PGGT1B: variants seen among roughly 807,000 people sequenced by gnomAD.
PGGT1B encodes geranylgeranyl transferase type-1 subunit beta.
A neutral mutation model predicts 46.1 loss-of-function variants in PGGT1B; 30 were observed. The observed-to-expected ratio is 0.65, with a 90% CI of 0.49 to 0.88. PGGT1B has a LOEUF of 0.88. Ranked by LOEUF, PGGT1B falls within the 40% of genes least tolerant of loss-of-function variation. The pLI, the probability that PGGT1B is intolerant of heterozygous loss-of-function variation, is 0.00. For synonymous variants in PGGT1B, 170 were observed against 160.0 expected (o/e 1.06, Z -0.47); for missense variants, 376 against 455.9 (o/e 0.82, Z 1.60).
intron 2 of PGGT1B, among the ~76,000 whole-genome samples, chr5:115,249,931 G>A (rs1748017471): frequency 6.6e-6 from 1 of 151,962 alleles, no homozygotes; most frequent in Non-Finnish European, 1.5e-5. Flanking sequence ...TTCTAGTAAG[G>A]TTAATCATCT....
At chr5:115,223,341 G>A (rs73255447) in intron 6 of PGGT1B, among the ~76,000 whole-genome samples, 2,042 of 152,154 alleles carry the variant, frequency 0.013, 48 homozygotes, top group African/African-American at 0.046. Context: ...TAAGTTAAAC[G>A]ATCTTGAAAT....
chr5:115,236,247 T>C (rs1187131918), intron 5 of PGGT1B, 143 bp downstream of exon 5: 7 of 603,534 alleles, frequency 1.2e-5, no homozygotes, highest in Non-Finnish European at 1.7e-5. Flanking sequence ...CTTTATTGTG[T>C]TCTGATACAC....
intron 6 of PGGT1B, among the ~76,000 whole-genome samples, chr5:115,226,887 T>C (rs1331154025): frequency 6.6e-6 from 1 of 151,894 alleles, no homozygotes; most frequent in Non-Finnish European, 1.5e-5. Flanking sequence ...CTTGAACCCC[T>C]GGAAACAGGT....
intron 1 of PGGT1B, among the ~76,000 whole-genome samples, chr5:115,260,176 G>T (rs1422347972): frequency 6.6e-6 from 1 of 152,122 alleles, no homozygotes; most frequent in Admixed American, 6.5e-5. Context: ...CACTAGAAAA[G>T]TAAAAATTAT....
chr5:115,208,384 T>G lies in PGGT1B; in HGVS notation c.*4018A>C, dbSNP rs993063981. 6 of 152,020 alleles carry G rather than the reference T, an allele frequency of 3.9e-5. No homozygotes were observed. Among genetic ancestry groups the G allele is most frequent in the African/African-American group, 7.2e-5 (3 of 41,442 alleles). 9.4% of individuals were successfully genotyped at this position (152,020 alleles called of 1,614,324 possible). A position where few individuals can be genotyped will look rare whatever the true frequency, so the allele number is the denominator to read the frequency against. On this transcript the variant is annotated 3_prime_UTR_variant, in exon 9 of 9. Transcript: ENST00000419445. The stretch of plus-strand genomic sequence containing the variant: ...TCCCCTTGAAACAATCTGGGCTTGA[T>G]GCTTCTTTTGGTAAGGGGTACTTTT...
Position 115,262,757 on chromosome 5 carries a change from C to A in PGGT1B, c.95G>T (p.Cys32Phe). The A allele has an allele frequency of 1.2e-6, 2 of 1,613,364 alleles. No individual in the cohort carries two copies. Among genetic ancestry groups the A allele is most frequent in the South Asian group, 1.1e-5 (1 of 90,958 alleles). Residue 32 changes from cysteine to phenylalanine, a missense_variant, in exon 1 of 9, where the codon TGC (cysteine) becomes TTC (phenylalanine). Cys to Phe is a radical substitution (Grantham distance 205). Coordinates refer to ENST00000419445, the MANE Select transcript of PGGT1B (RefSeq NM_005023.4). ...ATAGCGCTCCGGCAAAACCTGGAGGCAGCGCTGGAAAAATCGCACGTGCCG... is the reference window on the plus strand; with the variant it reads ...ATAGCGCTCCGGCAAAACCTGGAGGAAGCGCTGGAAAAATCGCACGTGCCG... ...RDRHVRFFQRCLQVLPERYSS... is the reference protein window; with the variant it reads ...RDRHVRFFQRFLQVLPERYSS...
intron 6 of PGGT1B, among the ~76,000 whole-genome samples, 200 bp downstream of exon 6, chr5:115,230,776 T>A (rs1371838618): frequency 6.6e-6 from 1 of 152,136 alleles, no homozygotes; most frequent in Middle Eastern, 3.4e-3. Context: ...CCAGCCTGAA[T>A]AACACCTGAA....
intron 3 of PGGT1B, among the ~76,000 whole-genome samples, chr5:115,240,448 C>G (rs748775692): frequency 1.3e-5 from 2 of 152,006 alleles, no homozygotes; most frequent in Non-Finnish European, 2.9e-5. Flanking sequence ...AAGACATTAC[C>G]TGTATTCTGG....
In PGGT1B at chr5:115,234,834, A is replaced by G. The variant is rs1278120361; in HGVS notation, c.612+1556T>C. ...GGCATCACGATAGATTCATGATTTT[A>G]ATATATAGACATATAAATAGATACA... On this transcript the variant is annotated intron_variant, in intron 5 of 8. Transcript: ENST00000419445. Among the ~76,000 whole-genome samples, 12 of 152,190 alleles carry G rather than the reference A, an allele frequency of 7.9e-5. No individual in the cohort carries two copies. In the East Asian group the frequency reaches 2.3e-3, roughly 29 times the overall value.
chr5:115,241,277 T>C (rs1561480688), intron 3 of PGGT1B, among the ~76,000 whole-genome samples: 1 of 152,180 alleles, frequency 6.6e-6, no homozygotes, highest in Non-Finnish European at 1.5e-5. Context: ...GAGACAATTT[T>C]TTGTAACAAT....
chr5:115,214,315 T>C lies in PGGT1B; in HGVS notation c.953-1732A>G, dbSNP rs1756342178. Among the ~76,000 whole-genome samples, 4 of 152,166 alleles carry C rather than the reference T, an allele frequency of 2.6e-5. No individual in the cohort carries two copies. In the South Asian group the frequency reaches 8.3e-4, roughly 31 times the overall value. The stretch of plus-strand genomic sequence containing the variant: ...CAAATTGTGTTTTTAAAAAAACTCC[T>C]TATCTGTAAGTGGCAACGTACAAGC... On this transcript the variant is annotated intron_variant, in intron 8 of 8. Coordinates refer to ENST00000419445, the MANE Select transcript of PGGT1B (RefSeq NM_005023.4).
chr5:115,250,951 C>G (rs893440672), intron 2 of PGGT1B, among the ~76,000 whole-genome samples: 1 of 152,102 alleles, frequency 6.6e-6, no homozygotes, highest in Non-Finnish European at 1.5e-5. Context: ...CTGTTCATTC[C>G]CATTACTGTA....
chr5:115,205,584 G>T lies in PGGT1B; in HGVS notation c.*6818C>A, dbSNP rs1199462029. 6.6e-6 allele frequency: 1 copy of T among 152,114 alleles called. No individual in the cohort carries two copies. Among genetic ancestry groups the T allele is most frequent in the Non-Finnish European group, 1.5e-5 (1 of 67,984 alleles). 9.4% of individuals were successfully genotyped at this position (152,114 alleles called of 1,614,324 possible). The stretch of plus-strand genomic sequence containing the variant: ...CTACTAACTGTTAAAGCTTTATCTT[G>T]TGTGAGTTAATTCATATTTGGAATT... On this transcript the variant is annotated 3_prime_UTR_variant, in exon 9 of 9. Coordinates refer to ENST00000419445, the MANE Select transcript of PGGT1B (RefSeq NM_005023.4).
chr5:115,245,979 G>T (rs538384476), intron 2 of PGGT1B, among the ~76,000 whole-genome samples: 1 of 152,260 alleles, frequency 6.6e-6, no homozygotes, highest in East Asian at 1.9e-4. Flanking sequence ...TTACTAAATT[G>T]AGTTATCAGT....
At chr5:115,261,403 T>C (rs1201074497) in intron 1 of PGGT1B, among the ~76,000 whole-genome samples, 2 of 152,248 alleles carry the variant, frequency 1.3e-5, no homozygotes, top group African/African-American at 2.4e-5. Context: ...TTTAAGGTCC[T>C]AGTGCAATGT....
chr5:115,219,526 A>G (rs1756523702), intron 7 of PGGT1B, among the ~76,000 whole-genome samples: 1 of 151,912 alleles, frequency 6.6e-6, no homozygotes, highest in South Asian at 2.1e-4. Flanking sequence ...AATCTTTACG[A>G]CCGTGGATTC....
Position 115,236,421 on chromosome 5 carries a change from T to C in PGGT1B, c.581A>G (p.Lys194Arg). 1.3e-6 allele frequency: 2 copies of C among 1,596,186 alleles called. 1 individual carries two copies. The highest frequency in any genetic ancestry group is 1.7e-6 in the Non-Finnish European group (2 of 1,173,684). Residue 194 changes from lysine to arginine, a missense_variant, in exon 5 of 9, where the codon AAA (lysine) becomes AGA (arginine). Lys to Arg is a conservative substitution (Grantham distance 26, BLOSUM62 2). Transcript: ENST00000419445. ...MLNNWSGMDMKKAITYIRRSM... is the reference protein window; with the variant it reads ...MLNNWSGMDMRKAITYIRRSM... The stretch of plus-strand genomic sequence containing the variant: ...CCTTCTAATATAGGTGATGGCTTTT[T>C]TCATATCCATGCCTGACCAGTTGTT...
rs1484036600 is a variant in PGGT1B at position 115,210,721 on chromosome 5, T to C, written c.*1681A>G. ...TATAGTCCTAAAGCCATTATATATA[T>C]GCTACTTTAACTTCCAATGTCTAAG... On this transcript the variant is annotated 3_prime_UTR_variant, in exon 9 of 9. Transcript: ENST00000419445. The C allele has an allele frequency of 1.3e-5, 2 of 152,128 alleles. No individual in the cohort carries two copies. Among genetic ancestry groups the C allele is most frequent in the African/African-American group, 2.4e-5 (1 of 41,446 alleles). 9.4% of individuals were successfully genotyped at this position (152,128 alleles called of 1,614,324 possible). A position where few individuals can be genotyped will look rare whatever the true frequency, so the allele number is the denominator to read the frequency against.
Position 115,211,074 on chromosome 5 carries a change from A to C in PGGT1B, c.*1328T>G, listed in dbSNP as rs914968086. ...GCCTAAACAGTGATACCAGTAATCC[A>C]GTTTTTATACTGATACTTGTATTTC... On this transcript the variant is annotated 3_prime_UTR_variant, in exon 9 of 9. Transcript: ENST00000419445. The C allele has an allele frequency of 2.0e-5, 3 of 152,200 alleles. No individual in the cohort carries two copies. The highest frequency in any genetic ancestry group is 7.2e-5 in the African/African-American group (3 of 41,570). The allele number at this position is 152,200 out of a possible 1,614,324, so 9.4% of individuals were successfully genotyped here.
Sources: allele counts gnomAD v4.1 joint callset (sites outside exome capture counted in the v4.1 genomes callset), GRCh38; gene constraint gnomAD v4.1.1; transcripts MANE v1.5; gene names NCBI Gene and HGNC (gene_info 2026-07-23, HGNC 2026-07-21).